Variants in MAGI2 observed in about 807,000 individuals in gnomAD.
The protein encoded by MAGI2 is membrane associated guanylate kinase, WW and PDZ domain containing 2, also known as membrane-associated guanylate kinase, WW and PDZ domain-containing protein 2.
In MAGI2, 35 loss-of-function variants were observed where a neutral mutation model predicts 133.3. The observed-to-expected ratio is 0.26, with a 90% CI of 0.20 to 0.35. The LOEUF (loss-of-function observed/expected upper bound fraction) is 0.35, where lower values mean the gene tolerates loss of function less well. Among genes scored for constraint, MAGI2 ranks in the 10% least tolerant of loss-of-function variants. The pLI, the probability that MAGI2 is intolerant of heterozygous loss-of-function variation, is 1.00. For missense variants in MAGI2, 1,636 were observed against 1,863.4 expected, an observed-to-expected ratio of 0.88 and a Z score of 2.25; for synonymous variants, 729 against 710.6, an observed-to-expected ratio of 1.03 and a Z score of -0.41.
intron 1 of MAGI2, among the ~76,000 whole-genome samples, chr7:79,294,773 G>C (rs1047244547): frequency 8.7e-6 from 1 of 115,112 alleles, no homozygotes; most frequent in African/African-American, 3.2e-5. Flanking sequence ...TCTGTTACTC[G>C]GGCTGGAGTG....
At chr7:78,031,882 G>C (rs536111295) in intron 21 of MAGI2, among the ~76,000 whole-genome samples, 8 of 151,928 alleles carry the variant, frequency 5.3e-5, no homozygotes, top group Non-Finnish European at 8.8e-5. Flanking sequence ...TGATCTCTTC[G>C]TCTCCTCTGT....
intron 1 of MAGI2, among the ~76,000 whole-genome samples, chr7:79,142,950 T>C (rs556712179): frequency 5.3e-5 from 8 of 152,210 alleles, no homozygotes; most frequent in Non-Finnish European, 1.0e-4. Flanking sequence ...CTGACACTAC[T>C]ATCAGCTGCA....
chr7:78,459,126 A>G (rs1246867463), intron 6 of MAGI2, among the ~76,000 whole-genome samples: 1 of 152,188 alleles, frequency 6.6e-6, no homozygotes, highest in Non-Finnish European at 1.5e-5. Context: ...AAACATAGAA[A>G]CTGCTTCTAC....
chr7:78,629,246 A>G (rs947036913), intron 2 of MAGI2, among the ~76,000 whole-genome samples: 15 of 152,230 alleles, frequency 9.9e-5, no homozygotes, highest in African/African-American at 3.6e-4. Context: ...GTGACAGGCA[A>G]CATCAGTGAG....
intron 1 of MAGI2, among the ~76,000 whole-genome samples, chr7:79,212,390 T>C (rs1829573832): frequency 6.6e-6 from 1 of 152,160 alleles, no homozygotes. Context: ...TCATGGACTA[T>C]GTACATTTTA....
intron 9 of MAGI2, among the ~76,000 whole-genome samples, chr7:78,299,353 G>C (rs772274850): frequency 1.3e-5 from 2 of 152,102 alleles, no homozygotes; most frequent in Non-Finnish European, 2.9e-5. Flanking sequence ...CTAGCAGGAA[G>C]GGTATGGCTA....
intron 1 of MAGI2, among the ~76,000 whole-genome samples, chr7:79,098,099 G>A (rs2129543003): frequency 6.6e-6 from 1 of 152,160 alleles, no homozygotes; most frequent in East Asian, 1.9e-4. Context: ...TCCAGCCTGG[G>A]TGACAGAGAG....
chr7:79,228,777 C>G (rs1343843658), intron 1 of MAGI2, among the ~76,000 whole-genome samples: 2 of 152,074 alleles, frequency 1.3e-5, no homozygotes, highest in African/African-American at 4.8e-5. Flanking sequence ...CACATCAAAG[C>G]CTGAGAGGAG....
At chr7:78,388,037 A>T (rs991296609) in intron 6 of MAGI2, among the ~76,000 whole-genome samples, 12 of 152,348 alleles carry the variant, frequency 7.9e-5, no homozygotes, top group African/African-American at 2.2e-4. Flanking sequence ...GCTATTAAAC[A>T]GTATGAAGTA....
chr7:79,333,821 A>G (rs1840248360), intron 1 of MAGI2, among the ~76,000 whole-genome samples: 1 of 152,222 alleles, frequency 6.6e-6, no homozygotes, highest in Non-Finnish European at 1.5e-5. Context: ...AATAGCACAA[A>G]CAACTCAAGT....
At chr7:79,211,423 C>T (rs939749492) in intron 1 of MAGI2, among the ~76,000 whole-genome samples, 3 of 151,750 alleles carry the variant, frequency 2.0e-5, no homozygotes, top group Non-Finnish European at 4.4e-5. Context: ...GACTACAGTG[C>T]ACCACTATGT....
chr7:78,969,977 G>T (rs1803652916), intron 2 of MAGI2, among the ~76,000 whole-genome samples: 1 of 144,954 alleles, frequency 6.9e-6, no homozygotes. Flanking sequence ...GCCCAAGGTT[G>T]CATAGCCTGG....
chr7:79,027,796 T>C (rs1810048221), intron 1 of MAGI2, among the ~76,000 whole-genome samples: 1 of 152,100 alleles, frequency 6.6e-6, no homozygotes, highest in African/African-American at 2.4e-5. Context: ...ATGTATAGAA[T>C]TATAAGTTGT....
intron 12 of MAGI2, among the ~76,000 whole-genome samples, chr7:78,193,721 T>C (rs964926742): frequency 1.3e-5 from 2 of 150,276 alleles, no homozygotes; most frequent in African/African-American, 4.9e-5. Context: ...AGGAATGAAA[T>C]ACAGTAGCTC....
chr7:78,271,761 T>C (rs1794603022), intron 9 of MAGI2, among the ~76,000 whole-genome samples: 1 of 152,226 alleles, frequency 6.6e-6, no homozygotes, highest in Non-Finnish European at 1.5e-5. Context: ...TATACTATTC[T>C]GATGGTAGTT....
chr7:79,162,981 A>T (rs1171704391), intron 1 of MAGI2, among the ~76,000 whole-genome samples: 1 of 152,062 alleles, frequency 6.6e-6, no homozygotes, highest in Non-Finnish European at 1.5e-5. Context: ...ACTGACTATA[A>T]GTCCCTCTGC....
intron 6 of MAGI2, among the ~76,000 whole-genome samples, chr7:78,432,448 T>A (rs1043573829): frequency 2.0e-5 from 3 of 152,236 alleles, no homozygotes; most frequent in South Asian, 2.1e-4. Context: ...AAACCCAGGT[T>A]TTGTCATGAT....
In MAGI2 at chr7:78,521,558, G is replaced by A. The variant is rs1796507873; in HGVS notation, c.626C>T (p.Pro209Leu). Residue 209 changes from proline to leucine, a missense_variant, in exon 4 of 22, where the codon CCA becomes CTA. Physicochemically the swap from Pro to Leu is moderately conservative, Grantham distance 98. Transcript: ENST00000354212. ...VTDQILPGATPSAEGKRKRNK... is the reference protein window; with the variant it reads ...VTDQILPGATLSAEGKRKRNK... ...CCTCTTCCGTTTTCCTTCAGCACTT[G>A]GAGTGGCTCCTGGAAGTATCTGGTC... 5.6e-6 allele frequency: 9 copies of A among 1,613,962 alleles called. No individual in the cohort carries two copies. The highest frequency in any genetic ancestry group is 7.6e-6 in the Non-Finnish European group (9 of 1,180,022).
chr7:78,547,451 A>G (rs1798941744), intron 3 of MAGI2, among the ~76,000 whole-genome samples: 1 of 152,232 alleles, frequency 6.6e-6, no homozygotes, highest in Non-Finnish European at 1.5e-5. Flanking sequence ...GTGTATTGGT[A>G]TGATTGTTCT....
Sources: gnomAD v4.1 joint callset for allele counts (sites outside exome capture counted in the v4.1 genomes callset) on GRCh38, gnomAD v4.1.1 for gene constraint, MANE v1.5 for transcripts, NCBI Gene and HGNC (gene_info 2026-07-23, HGNC 2026-07-21) for gene names.